The following EHMT1 variants were observed in gnomAD, a reference collection of about 807,000 sequenced individuals.
EHMT1 encodes histone-lysine N-methyltransferase EHMT1.
EHMT1 carries 15 observed loss-of-function variants against 147.2 expected under a neutral mutation model. The ratio of observed to expected loss-of-function variants is 0.10; its 90% CI spans 0.07 to 0.16. The LOEUF is 0.16. Among genes scored for constraint, EHMT1 ranks in the 10% least tolerant of loss-of-function variants. The probability of loss-of-function intolerance (pLI) is 1.00; values close to 1 mark genes in which losing one functional copy is unlikely to be tolerated. For missense variants in EHMT1, 1,587 were observed against 1,772.4 expected, an observed-to-expected ratio of 0.90 and a Z score of 1.88; for synonymous variants, 795 against 709.6, an observed-to-expected ratio of 1.12 and a Z score of -1.91.
intron 25 of EHMT1, among the ~76,000 whole-genome samples, chr9:137,827,760 C>T (rs1343945950): frequency 6.6e-6 from 1 of 151,362 alleles, no homozygotes; most frequent in Non-Finnish European, 1.5e-5. Context: ...CACCCGCCCT[C>T]CCGGTCCTTA....
chr9:137,630,457 A>G (rs534324387), intron 1 of EHMT1, among the ~76,000 whole-genome samples: 12 of 152,296 alleles, frequency 7.9e-5, no homozygotes, highest in African/African-American at 2.6e-4. Context: ...CACATAGTCT[A>G]GGTCTTAAAG....
intron 1 of EHMT1, among the ~76,000 whole-genome samples, chr9:137,648,549 T>C (rs1372177642): frequency 6.6e-6 from 1 of 151,552 alleles, no homozygotes; most frequent in Non-Finnish European, 1.5e-5. Flanking sequence ...TCCCAGCTAC[T>C]TGGGAGGCTG....
intron 3 of EHMT1, among the ~76,000 whole-genome samples, chr9:137,719,067 A>G (rs931693595): frequency 6.6e-6 from 1 of 152,030 alleles, no homozygotes; most frequent in African/African-American, 2.4e-5. Context: ...TAGTTCTTTT[A>G]ATTTAAAAAA....
chr9:137,678,453 C>T (rs1304855641), intron 1 of EHMT1, among the ~76,000 whole-genome samples: 1 of 151,970 alleles, frequency 6.6e-6, no homozygotes, highest in East Asian at 1.9e-4. Flanking sequence ...GCTTTTTCTC[C>T]CTCCGTTGTC....
chr9:137,800,536 C>CGT (rs55802227), intron 17 of EHMT1: 4 of 342,394 alleles, frequency 1.2e-5, no homozygotes, highest in East Asian at 6.7e-5. Context: ...TTTCAGCTCC[C>CGT]GTGTGTGTGC....
chr9:137,703,965 G>T (rs1944043113), intron 1 of EHMT1, among the ~76,000 whole-genome samples: 1 of 152,158 alleles, frequency 6.6e-6, no homozygotes, highest in Non-Finnish European at 1.5e-5. Flanking sequence ...AGAGGCTTCT[G>T]CTTCTAGGGA....
chr9:137,821,777 T>C (rs1255458076), intron 25 of EHMT1, among the ~76,000 whole-genome samples: 3 of 152,248 alleles, frequency 2.0e-5, no homozygotes, highest in Non-Finnish European at 4.4e-5. Flanking sequence ...AGGCATTTAC[T>C]ACCTTGTTTA....
chr9:137,777,546 G>A (rs1951048503), intron 12 of EHMT1, among the ~76,000 whole-genome samples: 1 of 152,162 alleles, frequency 6.6e-6, no homozygotes, highest in African/African-American at 2.4e-5. Flanking sequence ...ACATGTTAAG[G>A]TGATTCCTTC....
intron 16 of EHMT1, among the ~76,000 whole-genome samples, chr9:137,797,430 G>A (rs925885877): frequency 6.6e-5 from 10 of 152,026 alleles, no homozygotes; most frequent in African/African-American, 1.2e-4. Context: ...CTTTGCTGGC[G>A]TCTGTCTCTC....
chr9:137,833,655 C>T (rs1333342564), intron 25 of EHMT1, among the ~76,000 whole-genome samples: 1 of 152,262 alleles, frequency 6.6e-6, no homozygotes, highest in Non-Finnish European at 1.5e-5. Flanking sequence ...TCATCACAGG[C>T]CAGTGCCAGG....
intron 25 of EHMT1, among the ~76,000 whole-genome samples, chr9:137,829,005 C>T (rs1371021862): frequency 6.6e-6 from 1 of 152,184 alleles, no homozygotes; most frequent in Non-Finnish European, 1.5e-5. Flanking sequence ...AGGTCCACTC[C>T]AAGCACCAGG....
chr9:137,679,877 G>A (rs1040253925), intron 1 of EHMT1, among the ~76,000 whole-genome samples: 7 of 152,294 alleles, frequency 4.6e-5, no homozygotes, highest in Non-Finnish European at 8.8e-5. Context: ...TTTCAGGGCT[G>A]TCAGGTATTT....
At chr9:137,725,938 G>A (rs1048443016) in intron 3 of EHMT1, among the ~76,000 whole-genome samples, 1 of 152,048 alleles carries the variant, frequency 6.6e-6, no homozygotes, top group African/African-American at 2.4e-5. Context: ...TGCCTCACCT[G>A]TAACCTCCAC....
Position 137,813,373 on chromosome 9 carries a change from C to G in EHMT1, c.3036-13C>G. 3 of 1,608,102 alleles carry G rather than the reference C, an allele frequency of 1.9e-6. No individual in the cohort carries two copies. The highest frequency in any genetic ancestry group is 1.7e-5 in the Admixed American group (1 of 59,552). On this transcript the variant is annotated splice_polypyrimidine_tract_variant and intron_variant, in intron 20 of 26. Coordinates refer to ENST00000460843, the MANE Select transcript of EHMT1 (RefSeq NM_024757.5). This position sits in a 1 kb window ranked among gnomAD's most constrained non-coding sequence, Gnocchi z 4.9. ...CGTCAGCCACCAGGTGACACCTGTC[C>G]TTTCCATGGCAGGGACATCGCTCGA...
intron 1 of EHMT1, among the ~76,000 whole-genome samples, chr9:137,643,296 T>A (rs978715357): frequency 1.3e-5 from 2 of 151,804 alleles, no homozygotes; most frequent in African/African-American, 4.8e-5. Flanking sequence ...TATCTTGGAA[T>A]GTTTTATTTT....
intron 3 of EHMT1, among the ~76,000 whole-genome samples, chr9:137,724,221 A>G (rs1364646437): frequency 3.9e-5 from 6 of 152,174 alleles, no homozygotes. Flanking sequence ...TGTGTGAAGA[A>G]GTGCTGCTAA....
intron 1 of EHMT1, among the ~76,000 whole-genome samples, chr9:137,622,294 T>C (rs538546389): frequency 6.6e-6 from 1 of 152,032 alleles, no homozygotes; most frequent in East Asian, 1.9e-4. Flanking sequence ...AATTTTTGTG[T>C]TTTCAGTAGA....
chr9:137,692,928 G>A (rs932268724), intron 1 of EHMT1, among the ~76,000 whole-genome samples: 1 of 152,130 alleles, frequency 6.6e-6, no homozygotes, highest in Non-Finnish European at 1.5e-5. Flanking sequence ...GGGACAATCA[G>A]AAGCCTGAGA....
At chr9:137,819,860 T>A (rs937093774) in intron 25 of EHMT1, among the ~76,000 whole-genome samples, 1 of 152,026 alleles carries the variant, frequency 6.6e-6, no homozygotes, top group African/African-American at 2.4e-5. Context: ...GAGCCTGGTT[T>A]TGGGAGCTTT....
Sources: allele counts gnomAD v4.1 joint callset (sites outside exome capture counted in the v4.1 genomes callset), GRCh38; gene constraint gnomAD v4.1.1; non-coding constraint Gnocchi (gnomAD v3.1); transcripts MANE v1.5; gene names NCBI Gene and HGNC (gene_info 2026-07-23, HGNC 2026-07-21).